ZNF486: variants seen among roughly 807,000 people sequenced by gnomAD.
The protein encoded by ZNF486 is zinc finger protein 486.
Under a neutral mutation model 12.8 loss-of-function variants are expected in ZNF486, and 12 were observed. The observed-to-expected ratio is 0.94, with a 90% CI of 0.60 to 1.52. The LOEUF is 1.52. ZNF486 is among the 40% of genes most tolerant of loss of function. ZNF486 has a pLI of 0.00. For missense variants in ZNF486, 738 were observed against 545.0 expected (o/e 1.35, Z -3.53); for synonymous variants, 231 against 184.9 (o/e 1.25, Z -2.02).
rs2090001970 is a variant in ZNF486, at chr19:20,200,407, A to G, written c.*2305A>G. 4 of 152,172 alleles carry G rather than the reference A, an allele frequency of 2.6e-5. No homozygotes were observed. Among genetic ancestry groups the G allele is most frequent in the Admixed American group, 2.6e-4 (4 of 15,258 alleles). 9.4% of individuals were successfully genotyped at this position (152,172 alleles called of 1,614,324 possible). A position where few individuals can be genotyped will look rare whatever the true frequency, so the allele number is the denominator to read the frequency against. Reference sequence around the variant, plus strand: ...CTACATTATAGTGCAAGAAATAATTATTGATAAAAGTATATTAAACTAAAT... The same window carrying G: ...CTACATTATAGTGCAAGAAATAATTGTTGATAAAAGTATATTAAACTAAAT... On this transcript the variant is annotated 3_prime_UTR_variant, in exon 4 of 4. Transcript: ENST00000335117.
At chr19:20,173,323 C>T (rs836892) in intron 1 of ZNF486, among the ~76,000 whole-genome samples, 26,348 of 152,048 alleles carry the variant, frequency 0.17, 2,772 homozygotes, top group East Asian at 0.47. Flanking sequence ...AGAGAGAATC[C>T]TTCCCACATT....
At chr19:20,189,235 C>G (rs1195279385) in intron 3 of ZNF486, among the ~76,000 whole-genome samples, 1 of 152,062 alleles carries the variant, frequency 6.6e-6, no homozygotes, top group East Asian at 1.9e-4. Context: ...ACACACCCAG[C>G]TAATTTTTTG....
rs782312864 is a variant in ZNF486, at chr19:20,167,341, C to G, written c.11C>G (p.Pro4Arg). 2 of 1,613,908 alleles carry G rather than the reference C, an allele frequency of 1.2e-6. No individual in the cohort carries two copies. The highest frequency in any genetic ancestry group is 1.1e-5 in the South Asian group (1 of 91,060). Residue 4 changes from proline to arginine, a missense_variant, in exon 1 of 4, where the codon CCC becomes CGC. Pro to Arg is a moderately radical substitution (Grantham distance 103). Transcript: ENST00000335117. ...AGATCCACAGCCAAGATGCCGGGAC[C>G]CCTTAGAAGCCTAGAAATGGTGAGA... MPG[P>R]LRSLEMESLQ...
chr19:20,182,414 G>T (rs1387748770), intron 1 of ZNF486, among the ~76,000 whole-genome samples: 3 of 152,194 alleles, frequency 2.0e-5, no homozygotes, highest in African/African-American at 7.2e-5. Context: ...GAAACCTCTT[G>T]TGCCCTCCCC....
intron 1 of ZNF486, among the ~76,000 whole-genome samples, chr19:20,183,924 C>T (rs962129653): frequency 1.3e-5 from 2 of 148,704 alleles, no homozygotes; most frequent in Non-Finnish European, 3.0e-5. Flanking sequence ...AAAAATCAGA[C>T]TTTATGCCAG....
At chr19:20,186,740 G>A (rs1555716526) in intron 3 of ZNF486, among the ~76,000 whole-genome samples, 1 of 148,904 alleles carries the variant, frequency 6.7e-6, no homozygotes, top group African/African-American at 2.5e-5. Context: ...TGGTTAATAC[G>A]GCAATTTTAA....
At chr19:20,195,067 G>A (rs191517356) in intron 3 of ZNF486, among the ~76,000 whole-genome samples, 70 of 152,116 alleles carry the variant, frequency 4.6e-4, no homozygotes, top group Non-Finnish European at 8.4e-4. Context: ...GAGTGCAGTG[G>A]CGTGTTCTCA....
chr19:20,174,111 C>T (rs2089679458), intron 1 of ZNF486, among the ~76,000 whole-genome samples: 1 of 151,888 alleles, frequency 6.6e-6, no homozygotes, highest in African/African-American at 2.4e-5. Flanking sequence ...AAGCTTAGCA[C>T]AAAGATAGGA....
intron 1 of ZNF486, among the ~76,000 whole-genome samples, chr19:20,177,615 T>C (rs2089734781): frequency 6.6e-6 from 1 of 152,244 alleles, no homozygotes; most frequent in Non-Finnish European, 1.5e-5. Flanking sequence ...TTCACTCTTA[T>C]TGCCCAGGCT....
chr19:20,172,674 G>A (rs2089661977), intron 1 of ZNF486, among the ~76,000 whole-genome samples: 1 of 133,004 alleles, frequency 7.5e-6, no homozygotes, highest in Non-Finnish European at 1.6e-5. Context: ...TTGTGAGATG[G>A]AGTCGCTTAG....
chr19:20,175,325 C>T (rs903852019), intron 1 of ZNF486: 24 of 130,400 alleles, frequency 1.8e-4, no homozygotes, highest in African/African-American at 7.9e-4. Flanking sequence ...TTCAGAAGCC[C>T]TATTAATTTT....
chr19:20,199,182 A>T lies in ZNF486; in HGVS notation c.*1080A>T, dbSNP rs2089990417. The T allele has an allele frequency of 6.6e-6, 1 of 152,232 alleles. No individual in the cohort carries two copies. The highest frequency in any genetic ancestry group is 2.1e-4 in the South Asian group (1 of 4,836). 9.4% of individuals were successfully genotyped at this position (152,232 alleles called of 1,614,324 possible). ...CATCTTACTCAACAGAAGAAGGTTCATAAAAGAGCAATTACTGTGACAAAA... is the reference window on the plus strand; with the variant it reads ...CATCTTACTCAACAGAAGAAGGTTCTTAAAAGAGCAATTACTGTGACAAAA... On this transcript the variant is annotated 3_prime_UTR_variant, in exon 4 of 4. Coordinates refer to ENST00000335117, the MANE Select transcript of ZNF486 (RefSeq NM_052852.4).
In ZNF486 at chr19:20,189,377, C is replaced by T. The variant is rs540258152; in HGVS notation, c.253+3295C>T. On this transcript the variant is annotated intron_variant, in intron 3 of 3. Transcript: ENST00000335117. ...GAGCACCTGGGCCTGGCCTGTGTTA[C>T]GTATTTTGTAAATAGATATAATAAG... Among the ~76,000 whole-genome samples the T allele has an allele frequency of 8.5e-5, 13 of 152,184 alleles. No homozygotes were observed. In the South Asian group the frequency reaches 1.5e-3, roughly 17 times the overall value.
intron 1 of ZNF486, among the ~76,000 whole-genome samples, chr19:20,179,576 G>T (rs1273743376): frequency 6.6e-6 from 1 of 152,110 alleles, no homozygotes; most frequent in Non-Finnish European, 1.5e-5. Flanking sequence ...TAACACAAAA[G>T]GATGCAGAGC....
chr19:20,184,427 G>A lies in ZNF486; in HGVS notation c.102G>A (p.Gln34=). ...AGTGGCATTGCCTGGACACTGCACA[G>A]CAGAATTTATATAGGGATGTGATGT... is the stretch of plus-strand genomic sequence containing the variant. ...LEEWHCLDTA[Q]QNLYRDVMLE... The change falls in exon 2 of 4, where the codon CAG becomes CAA. Residue 34 remains glutamine (Q), a synonymous_variant. Transcript: ENST00000335117. The A allele has an allele frequency of 6.8e-6, 11 of 1,613,502 alleles. No homozygotes were observed. The highest frequency in any genetic ancestry group is 9.3e-6 in the Non-Finnish European group (11 of 1,179,700).
At chr19:20,195,866 CTG>C (rs1346383478) in intron 3 of ZNF486, among the ~76,000 whole-genome samples, 1 of 152,218 alleles carries the variant, frequency 6.6e-6, no homozygotes, top group Non-Finnish European at 1.5e-5. Context: ...CAAACTCAAA[CTG>C]TCATTCCAAT....
At chr19:20,168,849 T>A (rs183056322) in intron 1 of ZNF486, among the ~76,000 whole-genome samples, 2,955 of 146,072 alleles carry the variant, frequency 0.02, 94 homozygotes, top group African/African-American at 0.07. Context: ...TTAAAAAAAA[T>A]TTTTTTTTTT....
intron 1 of ZNF486, chr19:20,176,264 G>T (rs1412546925): frequency 5.2e-6 from 1 of 192,682 alleles, no homozygotes; most frequent in Admixed American, 5.9e-5. Flanking sequence ...TTCCTAGATG[G>T]GATGGTGGCT....
At chr19:20,174,454 T>C (rs1461017896) in intron 1 of ZNF486, among the ~76,000 whole-genome samples, 6 of 152,016 alleles carry the variant, frequency 3.9e-5, no homozygotes, top group African/African-American at 7.2e-5. Context: ...AGTGGCATGA[T>C]CTCATCTCAC....
Sources: gnomAD v4.1 joint callset for allele counts (sites outside exome capture counted in the v4.1 genomes callset) on GRCh38, gnomAD v4.1.1 for gene constraint, MANE v1.5 for transcripts, NCBI Gene and HGNC (gene_info 2026-07-23, HGNC 2026-07-21) for gene names.